The following RB1 variants were observed in gnomAD, a reference collection of about 807,000 sequenced individuals.
RB1 encodes the protein retinoblastoma-associated protein.
A neutral mutation model predicts 135.4 loss-of-function variants in RB1; 18 were observed. The ratio of observed to expected loss-of-function variants is 0.13; its 90% CI spans 0.09 to 0.20. RB1 has a LOEUF of 0.20. RB1 is among the 10% of genes least tolerant of loss of function. The probability of loss-of-function intolerance (pLI) is 1.00; values close to 1 mark genes in which losing one functional copy is unlikely to be tolerated. For synonymous variants in RB1, 365 were observed against 373.2 expected (o/e 0.98, Z 0.25); for missense variants, 868 against 1,110.0 (o/e 0.78, Z 3.10).
chr13:48,414,340 C>G (rs1948871666), intron 17 of RB1, among the ~76,000 whole-genome samples: 1 of 140,594 alleles, frequency 7.1e-6, no homozygotes. Flanking sequence ...GCGAGACTAT[C>G]TCAAAAAAAA....
intron 2 of RB1, among the ~76,000 whole-genome samples, chr13:48,310,082 T>G (rs1037744119): frequency 1.3e-5 from 2 of 152,150 alleles, no homozygotes; most frequent in Non-Finnish European, 2.9e-5. Flanking sequence ...TGATGGAAGA[T>G]GATGTCCTGT....
chr13:48,434,043 T>C (rs1949158400), intron 17 of RB1, among the ~76,000 whole-genome samples: 1 of 152,040 alleles, frequency 6.6e-6, no homozygotes, highest in Non-Finnish European at 1.5e-5. Context: ...ATTTAAAGGT[T>C]ACAAGAATAT....
chr13:48,366,254 G>A (rs1229140822), intron 9 of RB1, among the ~76,000 whole-genome samples: 2 of 152,030 alleles, frequency 1.3e-5, no homozygotes, highest in Admixed American at 6.5e-5. Context: ...CCTTTAAAAG[G>A]ATTATAGTTT....
Position 48,459,695 on chromosome 13 carries a change from G to A in RB1, c.1968G>A (p.Arg656=), listed in dbSNP as rs2138335822. The A allele has an allele frequency of 6.2e-7, 1 of 1,613,880 alleles. No individual in the cohort carries two copies. The highest frequency in any genetic ancestry group is 2.2e-5 in the East Asian group (1 of 44,864). The change falls in exon 20 of 27, where the codon CGG becomes CGA. Residue 656 remains arginine (R), a synonymous_variant. Transcript: ENST00000267163. Reference sequence around the variant, plus strand: ...TTTTTCTTATTCCCACAGTGTATCGGCTAGCCTATCTCCGGCTAAATACAC... The same window carrying A: ...TTTTTCTTATTCCCACAGTGTATCGACTAGCCTATCTCCGGCTAAATACAC... ...SLSLFYKKVY[R]LAYLRLNTLC...
At chr13:48,409,979 T>G (rs1352194550) in intron 17 of RB1, among the ~76,000 whole-genome samples, 1 of 152,182 alleles carries the variant, frequency 6.6e-6, no homozygotes, top group Non-Finnish European at 1.5e-5. Context: ...CTATTTTATG[T>G]TTAGTGAAAT....
chr13:48,416,309 T>A (rs910614015), intron 17 of RB1: 12 of 152,262 alleles, frequency 7.9e-5, no homozygotes, highest in African/African-American at 2.9e-4. Flanking sequence ...GGGCATCGCC[T>A]TACACGGGAA....
chr13:48,475,250 T>C lies in RB1; in HGVS notation c.2521-1451T>C, dbSNP rs530480657. Among the ~76,000 whole-genome samples, 7 of 152,302 alleles carry C rather than the reference T, an allele frequency of 4.6e-5. No individual in the cohort carries two copies. The South Asian group carries it at 8.3e-4, about 18-fold the overall frequency. On this transcript the variant is annotated intron_variant, in intron 24 of 26. Coordinates refer to ENST00000267163, the MANE Select transcript of RB1 (RefSeq NM_000321.3). ...CATAATACATTACCCCCAAACTTAGTGACTTAAAACAAACGCTTATTATCT... is the reference window on the plus strand; with the variant it reads ...CATAATACATTACCCCCAAACTTAGCGACTTAAAACAAACGCTTATTATCT...
At position 48,452,980 on chromosome 13, in the gene RB1, A is replaced by G. The variant is rs759198467; in HGVS notation, c.1696-13A>G. 9.9e-6 allele frequency: 16 copies of G among 1,611,538 alleles called. No homozygotes were observed. Among genetic ancestry groups the G allele is most frequent in the African/African-American group, 5.3e-5 (4 of 74,894 alleles). Reference sequence around the variant, plus strand: ...TTACTAATGTGGTTTTAATTTCATCATGTTTCATATAGGATTCACCTTTAT... The same window carrying G: ...TTACTAATGTGGTTTTAATTTCATCGTGTTTCATATAGGATTCACCTTTAT... On this transcript the variant is annotated splice_polypyrimidine_tract_variant and intron_variant, in intron 17 of 26. Transcript: ENST00000267163.
Position 48,380,283 on chromosome 13 carries a change from A to G in RB1, c.1498+42A>G, listed in dbSNP as rs571440174. 1.6e-5 allele frequency: 22 copies of G among 1,417,284 alleles called. No individual in the cohort carries two copies. The South Asian group carries it at 2.2e-4, about 14-fold the overall frequency. 87.8% of individuals were successfully genotyped at this position (1,417,284 alleles called of 1,614,324 possible). ...TAAATAAACACTTTTGTTCAATTTA[A>G]AGTTAAAATGTGGTGTGTTTCTTTG... On this transcript the variant is annotated intron_variant, in intron 16 of 26. Coordinates refer to ENST00000267163, the MANE Select transcript of RB1 (RefSeq NM_000321.3).
At chr13:48,318,787 G>C (rs755137005) in intron 2 of RB1, 150 of 763,214 alleles carry the variant, frequency 2.0e-4, no homozygotes, top group Admixed American at 4.3e-4. Flanking sequence ...GGGCCAGGCG[G>C]TGAAAGTGGG....
chr13:48,434,706 C>T (rs1225456080), intron 17 of RB1, among the ~76,000 whole-genome samples: 1 of 152,080 alleles, frequency 6.6e-6, no homozygotes, highest in Admixed American at 6.5e-5. Flanking sequence ...CCACCACAAG[C>T]AATTGCACCC....
intron 1 of RB1, 135 bp downstream of exon 1, chr13:48,304,184 C>T (rs1478377630): frequency 3.1e-6 from 3 of 979,332 alleles, no homozygotes; most frequent in Non-Finnish European, 4.1e-6. Context: ...GCCCTCCCTG[C>T]CCCCCGCCAC....
rs184840642 is a variant in RB1, at chr13:48,458,513, C to T, written c.1961-1175C>T. ...GAGCAGTGGTTTTCAAAGTGTCGTTCCCAACCAGCAGAATCCACATCACCT... is the reference window on the plus strand; with the variant it reads ...GAGCAGTGGTTTTCAAAGTGTCGTTTCCAACCAGCAGAATCCACATCACCT... On this transcript the variant is annotated intron_variant, in intron 19 of 26. Coordinates refer to ENST00000267163, the MANE Select transcript of RB1 (RefSeq NM_000321.3). Among the ~76,000 whole-genome samples, 26 of 152,208 alleles carry T rather than the reference C, an allele frequency of 1.7e-4. 1 individual carries two copies.
Position 48,364,892 on chromosome 13 carries a change from A to G in RB1, c.862-2A>G, listed in dbSNP as rs1131690914. On this transcript the variant is annotated splice_acceptor_variant, in intron 8 of 26. Transcript: ENST00000267163. LOFTEE classifies it high-confidence loss of function. ...ATCATGTTGTAACTTCATCTTTTTC[A>G]GGTGAAAAATGTTTATTTCAAAAAT... 6.4e-7 allele frequency: 1 copy of G among 1,551,630 alleles called. No homozygotes were observed. Among genetic ancestry groups the G allele is most frequent in the South Asian group, 1.2e-5 (1 of 84,246 alleles).
intron 12 of RB1, 146 bp from the exon 13 acceptor site, chr13:48,376,772 G>A: frequency 8.5e-7 from 1 of 1,175,966 alleles, no homozygotes; most frequent in Non-Finnish European, 1.2e-6. Context: ...GTCTGCTTAT[G>A]TTCAGTAGTT....
chr13:48,460,115 G>A (rs930198656), intron 20 of RB1, among the ~76,000 whole-genome samples: 10 of 150,860 alleles, frequency 6.6e-5, no homozygotes, highest in African/African-American at 9.8e-5. Context: ...GATTACAGGC[G>A]TGTACCACCA....
chr13:48,359,982 C>G (rs2138107389), intron 6 of RB1, 35 bp from the exon 7 acceptor site: 1 of 1,607,074 alleles, frequency 6.2e-7, no homozygotes, highest in African/African-American at 1.3e-5. Flanking sequence ...ATCTGAATCT[C>G]TAACTTTCTT....
intron 7 of RB1, among the ~76,000 whole-genome samples, chr13:48,361,936 T>C (rs949849904): frequency 7.5e-6 from 1 of 132,660 alleles, no homozygotes; most frequent in African/African-American, 2.6e-5. Context: ...TACTTAATCA[T>C]CTGTAATTTT....
At chr13:48,478,079 A>G (rs1949515076) in intron 26 of RB1, among the ~76,000 whole-genome samples, 1 of 152,170 alleles carries the variant, frequency 6.6e-6, no homozygotes, top group African/African-American at 2.4e-5. Context: ...TAGTGAGTGT[A>G]ACATTTCCCA....
Sources: allele counts gnomAD v4.1 joint callset (sites outside exome capture counted in the v4.1 genomes callset), GRCh38; gene constraint gnomAD v4.1.1; transcripts MANE v1.5; gene names NCBI Gene and HGNC (gene_info 2026-07-23, HGNC 2026-07-21).